CHRM3: variants seen among roughly 807,000 people sequenced by gnomAD.
CHRM3 encodes the protein muscarinic acetylcholine receptor M3.
In CHRM3, 11 loss-of-function variants were observed where a neutral mutation model predicts 41.8. The observed-to-expected ratio is 0.26, with a 90% confidence interval of 0.17 to 0.44. The LOEUF (loss-of-function observed/expected upper bound fraction) is 0.44. CHRM3 is among the 20% of genes least tolerant of loss of function. The pLI is 1.00. For synonymous variants in CHRM3, 297 were observed against 301.4 expected (o/e 0.99, Z 0.15); for missense variants, 571 against 745.4 (o/e 0.77, Z 2.72).
chr1:239,880,281 C>T (rs566658866), intron 6 of CHRM3, among the ~76,000 whole-genome samples: 1 of 152,270 alleles, frequency 6.6e-6, no homozygotes, highest in East Asian at 1.9e-4. Context: ...CCCTGTGATA[C>T]CCAAAGGTCA....
chr1:239,725,117 A>C (rs1243593337), intron 5 of CHRM3, among the ~76,000 whole-genome samples: 1 of 151,870 alleles, frequency 6.6e-6, no homozygotes, highest in Non-Finnish European at 1.5e-5. Context: ...CCAACAACCT[A>C]TTTTAGACTT....
chr1:239,693,326 G>A (rs1572005202), intron 5 of CHRM3, among the ~76,000 whole-genome samples: 1 of 152,086 alleles, frequency 6.6e-6, no homozygotes, highest in East Asian at 1.9e-4. Flanking sequence ...GTTTTAGGAG[G>A]TAATAAAGCA....
At chr1:239,733,222 A>G (rs996555834) in intron 5 of CHRM3, among the ~76,000 whole-genome samples, 1 of 151,962 alleles carries the variant, frequency 6.6e-6, no homozygotes, top group African/African-American at 2.4e-5. Context: ...CTAATCCCAA[A>G]TGGATCCACC....
chr1:239,890,677 C>T (rs904993143), intron 6 of CHRM3, among the ~76,000 whole-genome samples: 20 of 152,152 alleles, frequency 1.3e-4, no homozygotes, highest in African/African-American at 4.8e-4. Context: ...AATTCAGCAA[C>T]ATTCATAGCA....
At chr1:239,541,287 T>C (rs548295193) in intron 2 of CHRM3, among the ~76,000 whole-genome samples, 1 of 152,098 alleles carries the variant, frequency 6.6e-6, no homozygotes, top group African/African-American at 2.4e-5. Flanking sequence ...TTTGAACACA[T>C]ATAAGTAATA....
intron 1 of CHRM3, among the ~76,000 whole-genome samples, chr1:239,391,348 C>T (rs1363950348): frequency 6.6e-6 from 1 of 152,160 alleles, no homozygotes; most frequent in African/African-American, 2.4e-5. Context: ...CTCTGAAATG[C>T]AGTGCTTGAT....
At chr1:239,782,027 G>A (rs1231922623) in intron 5 of CHRM3, among the ~76,000 whole-genome samples, 1 of 151,980 alleles carries the variant, frequency 6.6e-6, no homozygotes. Flanking sequence ...ATATTTTGTT[G>A]AGGACTTTTG....
chr1:239,556,117 G>A (rs1358423679), intron 3 of CHRM3, among the ~76,000 whole-genome samples: 1 of 152,114 alleles, frequency 6.6e-6, no homozygotes, highest in Non-Finnish European at 1.5e-5. Context: ...CATTAACTAC[G>A]CATGTACCTT....
chr1:239,743,616 C>T (rs1665051257), intron 5 of CHRM3, among the ~76,000 whole-genome samples: 1 of 152,024 alleles, frequency 6.6e-6, no homozygotes, highest in Non-Finnish European at 1.5e-5. Context: ...GGGAGAGGAG[C>T]TTGTGCCATA....
At chr1:239,576,594 G>GCGCACA (rs1553331606) in intron 3 of CHRM3, among the ~76,000 whole-genome samples, 1 of 141,682 alleles carries the variant, frequency 7.1e-6, no homozygotes, top group Non-Finnish European at 1.5e-5. Flanking sequence ...ACACACACAC[G>GCGCACA]CACACACACA....
At chr1:239,571,766 A>G (rs186186221) in intron 3 of CHRM3, among the ~76,000 whole-genome samples, 1 of 152,144 alleles carries the variant, frequency 6.6e-6, no homozygotes, top group African/African-American at 2.4e-5. Flanking sequence ...TCCAACTCCA[A>G]ATGAAAGGGG....
intron 3 of CHRM3, among the ~76,000 whole-genome samples, chr1:239,600,813 C>A (rs1195968808): frequency 6.7e-6 from 1 of 149,678 alleles, no homozygotes. Context: ...TCCTTCCTTC[C>A]TTCCTTCCTC....
rs747990640 is a variant in CHRM3, at chr1:239,907,619, C to T, written c.168C>T (p.Thr56=). The T allele has an allele frequency of 1.6e-5, 26 of 1,614,058 alleles. 1 individual carries two copies. In the Admixed American group the frequency reaches 3.0e-4, roughly 19 times the overall value. ...ATTTCTCCTCTCCAGACGGTACCAC[C>T]GATGACCCTCTGGGAGGTCATACCG... ...AGNFSSPDGT[T]DDPLGGHTVW... is the part of the protein sequence containing the mutation. Residue 56 remains threonine (T), a synonymous_variant, in exon 7 of 7, where the codon ACC becomes ACT. Coordinates refer to ENST00000676153, the MANE Select transcript of CHRM3 (RefSeq NM_001375978.1). This position sits in a 1 kb window ranked among gnomAD's most constrained non-coding sequence, Gnocchi z 5.4.
chr1:239,485,215 A>C (rs1667108461), intron 1 of CHRM3, among the ~76,000 whole-genome samples: 1 of 152,094 alleles, frequency 6.6e-6, no homozygotes, highest in South Asian at 2.1e-4. Flanking sequence ...GCACACTGGG[A>C]ATCCAGCCAT....
At chr1:239,712,514 A>G (rs1183586346) in intron 5 of CHRM3, among the ~76,000 whole-genome samples, 2 of 152,192 alleles carry the variant, frequency 1.3e-5, no homozygotes, top group Non-Finnish European at 2.9e-5. Context: ...TGAATGAAAG[A>G]ACAGAAGTCT....
At chr1:239,745,025 A>G (rs1245968571) in intron 5 of CHRM3, among the ~76,000 whole-genome samples, 1 of 152,096 alleles carries the variant, frequency 6.6e-6, no homozygotes, top group East Asian at 1.9e-4. Context: ...GAGGAGTCAG[A>G]TGTGGCATTT....
chr1:239,400,718 T>C (rs1049413447), intron 1 of CHRM3, among the ~76,000 whole-genome samples: 5 of 152,290 alleles, frequency 3.3e-5, no homozygotes, highest in South Asian at 2.1e-4. Flanking sequence ...CCTTTCTTCA[T>C]TGTGTGTTTT....
intron 1 of CHRM3, among the ~76,000 whole-genome samples, chr1:239,465,018 T>C (rs1665620482): frequency 6.6e-6 from 1 of 152,186 alleles, no homozygotes; most frequent in Non-Finnish European, 1.5e-5. Flanking sequence ...AATCTGTGCC[T>C]CCCATTTGAT....
intron 6 of CHRM3, among the ~76,000 whole-genome samples, chr1:239,835,924 T>C (rs1424949975): frequency 6.6e-6 from 1 of 152,256 alleles, no homozygotes; most frequent in East Asian, 1.9e-4. Context: ...AGCTAATAAG[T>C]GTCAAGGATC....
Sources: allele counts gnomAD v4.1 joint callset (sites outside exome capture counted in the v4.1 genomes callset), GRCh38; gene constraint gnomAD v4.1.1; non-coding constraint Gnocchi (gnomAD v3.1); transcripts MANE v1.5; gene names NCBI Gene and HGNC (gene_info 2026-07-23, HGNC 2026-07-21).